The following MYLK variants were observed in gnomAD, a reference collection of about 807,000 sequenced individuals.
MYLK encodes myosin light chain kinase, smooth muscle.
A neutral mutation model predicts 203.4 loss-of-function variants in MYLK; 106 were observed. That is an observed-to-expected ratio of 0.52 (90% CI 0.45 to 0.61). MYLK has a LOEUF of 0.61. Ranked by LOEUF, MYLK falls within the 20% of genes least tolerant of loss-of-function variation. The pLI is 0.00. For missense variants in MYLK, 2,072 were observed against 2,442.3 expected (o/e 0.85, Z 3.20); for synonymous variants, 867 against 959.5 (o/e 0.90, Z 1.78).
intron 24 of MYLK, among the ~76,000 whole-genome samples, chr3:123,653,317 A>G (rs1455233347): frequency 6.6e-6 from 1 of 152,124 alleles, no homozygotes; most frequent in Non-Finnish European, 1.5e-5. Context: ...GGGATGGCCT[A>G]TGAAGCTTTA....
Position 123,798,739 on chromosome 3 carries a change from T to C in MYLK, c.-3-4895A>G, listed in dbSNP as rs1242490531. On this transcript the variant is annotated intron_variant, in intron 3 of 33. Transcript: ENST00000360304. Reference sequence around the variant, plus strand: ...CTTTTGTGGGGGAGAGTTACTCAACTACCATGCGGACAGGACCAGAGCCCA... The same window carrying C: ...CTTTTGTGGGGGAGAGTTACTCAACCACCATGCGGACAGGACCAGAGCCCA... Among the ~76,000 whole-genome samples, 7 of 151,994 alleles carry C rather than the reference T, an allele frequency of 4.6e-5. No individual in the cohort carries two copies. The South Asian group carries it at 6.2e-4, about 14-fold the overall frequency.
At chr3:123,876,094 G>A (rs2033135215) in intron 2 of MYLK, among the ~76,000 whole-genome samples, 1 of 151,988 alleles carries the variant, frequency 6.6e-6, no homozygotes, top group Non-Finnish European at 1.5e-5. Context: ...CTGGCCAAGG[G>A]AAGCAAAGAC....
At chr3:123,637,466 C>T (rs1235378097) in intron 29 of MYLK, among the ~76,000 whole-genome samples, 2 of 152,204 alleles carry the variant, frequency 1.3e-5, no homozygotes, top group African/African-American at 2.4e-5. Flanking sequence ...CCTCCCCTCT[C>T]CTGCATTATT....
intron 23 of MYLK, among the ~76,000 whole-genome samples, chr3:123,658,761 T>C (rs1306463811): frequency 1.3e-5 from 2 of 152,200 alleles, no homozygotes; most frequent in Non-Finnish European, 2.9e-5. Context: ...CCAAAGGCAA[T>C]GGCTGCAAAT....
chr3:123,784,376 C>CTTTTTTTTTTTTTTTTTTTTTT (rs576849217), intron 4 of MYLK, among the ~76,000 whole-genome samples: 1 of 78,694 alleles, frequency 1.3e-5, no homozygotes, highest in African/African-American at 4.8e-5. Flanking sequence ...GGTTGACTTT[C>CTTTTTTTTTTTTTTTTTTTTTT]TTTTTTTTTT....
chr3:123,696,780 C>T (rs530046228), intron 18 of MYLK, among the ~76,000 whole-genome samples: 1 of 152,310 alleles, frequency 6.6e-6, no homozygotes, highest in East Asian at 1.9e-4. Flanking sequence ...ACAGAGTCCA[C>T]CAAAACCCCT....
chr3:123,668,751 C>T (rs1340350198), intron 20 of MYLK, among the ~76,000 whole-genome samples: 1 of 152,126 alleles, frequency 6.6e-6, no homozygotes, highest in Non-Finnish European at 1.5e-5. Context: ...CCCCCAGCAC[C>T]CCTCATCCTT....
intron 4 of MYLK, among the ~76,000 whole-genome samples, chr3:123,763,602 T>C (rs2063606522): frequency 6.6e-6 from 1 of 152,228 alleles, no homozygotes; most frequent in African/African-American, 2.4e-5. Flanking sequence ...TACTGCTTCG[T>C]GGCATTTGAA....
At chr3:123,847,044 G>A (rs1277196952) in intron 2 of MYLK, among the ~76,000 whole-genome samples, 2 of 151,714 alleles carry the variant, frequency 1.3e-5, no homozygotes, top group East Asian at 1.9e-4. Flanking sequence ...TCAACCAACT[G>A]CAAATCCAAA....
chr3:123,684,639 C>T (rs776037009), intron 19 of MYLK, among the ~76,000 whole-genome samples: 4 of 152,138 alleles, frequency 2.6e-5, no homozygotes, highest in Non-Finnish European at 5.9e-5. Context: ...CTCTGCCTCC[C>T]AGGTTCAAGT....
At chr3:123,850,007 C>T (rs969983204) in intron 2 of MYLK, among the ~76,000 whole-genome samples, 10 of 152,052 alleles carry the variant, frequency 6.6e-5, no homozygotes, top group Non-Finnish European at 1.2e-4. Flanking sequence ...GGTTTTTTGT[C>T]CTTGCGATAG....
chr3:123,713,939 C>T (rs1046315724), intron 13 of MYLK, among the ~76,000 whole-genome samples: 2 of 152,140 alleles, frequency 1.3e-5, no homozygotes, highest in African/African-American at 4.8e-5. Context: ...ACAGCTAGAA[C>T]AATACATGGC....
intron 1 of MYLK, among the ~76,000 whole-genome samples, chr3:123,883,227 T>C (rs2033654468): frequency 6.6e-6 from 1 of 152,162 alleles, no homozygotes. Flanking sequence ...TCATTGCATA[T>C]ACTCTGGTCT....
intron 16 of MYLK, among the ~76,000 whole-genome samples, chr3:123,703,117 G>A (rs2061315178): frequency 6.6e-6 from 1 of 152,208 alleles, no homozygotes; most frequent in African/African-American, 2.4e-5. Flanking sequence ...AGGCATCTGA[G>A]CATGCGTTCT....
At chr3:123,682,193 C>A in intron 20 of MYLK, 31 bp downstream of exon 20, 1 of 1,568,224 alleles carries the variant, frequency 6.4e-7, no homozygotes, top group Non-Finnish European at 8.7e-7. Context: ...CTGCCTCTGC[C>A]TCTGCCTGGT....
chr3:123,620,356 G>T lies in MYLK; in HGVS notation c.5239-20C>A. 6.2e-7 allele frequency: 1 copy of T among 1,614,016 alleles called. No homozygotes were observed. The highest frequency in any genetic ancestry group is 8.5e-7 in the Non-Finnish European group (1 of 1,179,960). On this transcript the variant is annotated intron_variant, in intron 31 of 33. Coordinates refer to ENST00000360304, the MANE Select transcript of MYLK (RefSeq NM_053025.4). ...CGTTTTCTGGAAAATAGACACGAGGGTTGGACTCAGGCGTTGTCCCTGGTT... is the reference window on the plus strand; with the variant it reads ...CGTTTTCTGGAAAATAGACACGAGGTTTGGACTCAGGCGTTGTCCCTGGTT...
At chr3:123,783,461 T>C (rs2064378309) in intron 4 of MYLK, among the ~76,000 whole-genome samples, 1 of 152,188 alleles carries the variant, frequency 6.6e-6, no homozygotes, top group Non-Finnish European at 1.5e-5. Flanking sequence ...CAGTGTTATA[T>C]ATTTTCCATG....
intron 20 of MYLK, among the ~76,000 whole-genome samples, chr3:123,677,916 T>TAC (rs1372885570): frequency 1.8e-4 from 17 of 94,774 alleles, no homozygotes; most frequent in East Asian, 6.3e-4. Context: ...TATATATATA[T>TAC]ATACACACAC....
At chr3:123,840,882 T>TTCTGGGCAACTGCTTTAGC (rs2066575858) in intron 2 of MYLK, among the ~76,000 whole-genome samples, 1 of 151,898 alleles carries the variant, frequency 6.6e-6, no homozygotes, top group Non-Finnish European at 1.5e-5. Flanking sequence ...ACTGCTTTAG[T>TTCTGGGCAACTGCTTTAGC]CTGAATGCAA....
Sources: allele counts gnomAD v4.1 joint callset (sites outside exome capture counted in the v4.1 genomes callset), GRCh38; gene constraint gnomAD v4.1.1; transcripts MANE v1.5; gene names NCBI Gene and HGNC (gene_info 2026-07-23, HGNC 2026-07-21).